ZCCHC14: variants seen among roughly 807,000 people sequenced by gnomAD.
The protein encoded by ZCCHC14 is zinc finger CCHC-type containing 14.
Under a neutral mutation model 85.0 loss-of-function variants are expected in ZCCHC14, and 16 were observed. That is an observed-to-expected ratio of 0.19 (90% confidence interval 0.13 to 0.29). ZCCHC14 has a LOEUF of 0.29. ZCCHC14 is among the 10% of genes least tolerant of loss of function. The probability of loss-of-function intolerance (pLI) is 1.00; values close to 1 mark genes in which losing one functional copy is unlikely to be tolerated. For missense variants in ZCCHC14, 1,303 were observed against 1,443.5 expected, an observed-to-expected ratio of 0.90 and a Z score of 1.58; for synonymous variants, 775 against 630.7, an observed-to-expected ratio of 1.23 and a Z score of -3.43.
chr16:87,482,582 ACG>A (rs960011253), intron 1 of ZCCHC14, among the ~76,000 whole-genome samples: 2 of 152,086 alleles, frequency 1.3e-5, no homozygotes, highest in African/African-American at 4.8e-5. Flanking sequence ...ACAAAAACGA[ACG>A]AGAGGTAAGA....
intron 2 of ZCCHC14, among the ~76,000 whole-genome samples, chr16:87,446,793 C>T (rs148003063): frequency 6.6e-6 from 1 of 152,132 alleles, no homozygotes; most frequent in East Asian, 1.9e-4. Flanking sequence ...AAGCAATTCT[C>T]TTGTCTCAGC....
In ZCCHC14 at chr16:87,460,248, GTAT is replaced by G. The variant is rs1184820998; in HGVS notation, c.571-120_571-118del. Reference sequence around the variant, plus strand: ...TGGTTTCCATTTTTCTACAAAACATGTATTATTATAATAATAAGCCTTCCCCAA... The same window carrying G: ...TGGTTTCCATTTTTCTACAAAACATGTATTATAATAATAAGCCTTCCCCAA... On this transcript the variant is annotated intron_variant, in intron 1 of 12. Transcript: ENST00000671377. The G allele has an allele frequency of 3.0e-6, 4 of 1,320,692 alleles. No individual in the cohort carries two copies. In the South Asian group the frequency reaches 4.6e-5, roughly 15 times the overall value. The allele number at this position is 1,320,692 out of a possible 1,614,324, so 81.8% of individuals were successfully genotyped here.
chr16:87,417,383 G>A (rs1908843225), intron 8 of ZCCHC14, 77 bp downstream of exon 8: 1 of 1,554,638 alleles, frequency 6.4e-7, no homozygotes, highest in South Asian at 1.2e-5. Context: ...GTGTTGGTTT[G>A]GAAACTCAAT....
chr16:87,417,338 G>A (rs1908840977), intron 8 of ZCCHC14, 122 bp downstream of exon 8: 5 of 1,417,064 alleles, frequency 3.5e-6, no homozygotes, highest in Non-Finnish European at 4.8e-6. Context: ...TTAAGAACAG[G>A]CGCTGCGCCT....
intron 2 of ZCCHC14, among the ~76,000 whole-genome samples, chr16:87,440,035 G>A (rs1371406942): frequency 6.6e-6 from 1 of 152,120 alleles, no homozygotes; most frequent in Non-Finnish European, 1.5e-5. Context: ...TCGAACTCCA[G>A]GGCTCCAGCA....
At chr16:87,463,820 G>GT (rs1911389957) in intron 1 of ZCCHC14, among the ~76,000 whole-genome samples, 1 of 152,000 alleles carries the variant, frequency 6.6e-6, no homozygotes, top group African/African-American at 2.4e-5. Flanking sequence ...GCAAGACTCC[G>GT]TCTCAGGAGA....
intron 2 of ZCCHC14, among the ~76,000 whole-genome samples, chr16:87,442,703 C>A (rs73240874): frequency 1.3e-5 from 2 of 152,054 alleles, no homozygotes; most frequent in South Asian, 4.1e-4. Flanking sequence ...AAATCAACAC[C>A]CACACACGTC....
intron 2 of ZCCHC14, among the ~76,000 whole-genome samples, chr16:87,453,457 T>G (rs978609110): frequency 2.0e-5 from 3 of 152,194 alleles, no homozygotes; most frequent in Non-Finnish European, 4.4e-5. Flanking sequence ...CCCCCGTCAG[T>G]GCCCAGCCCT....
intron 1 of ZCCHC14, chr16:87,467,747 G>A: frequency 3.5e-6 from 2 of 565,234 alleles, no homozygotes; most frequent in East Asian, 3.2e-5. Flanking sequence ...CGCCTCCCGG[G>A]TTCACACCAT....
At chr16:87,455,824 C>G (rs1449778381) in intron 2 of ZCCHC14, among the ~76,000 whole-genome samples, 2 of 152,204 alleles carry the variant, frequency 1.3e-5, no homozygotes, top group Non-Finnish European at 2.9e-5. Context: ...AGTACAGACT[C>G]AATAGATTAC....
At chr16:87,441,287 C>T (rs1448324656) in intron 2 of ZCCHC14, among the ~76,000 whole-genome samples, 6 of 152,194 alleles carry the variant, frequency 3.9e-5, no homozygotes, top group Non-Finnish European at 8.8e-5. Flanking sequence ...CCACCATGCC[C>T]GGCCTCCCAT....
chr16:87,470,973 C>A (rs138500883), intron 1 of ZCCHC14: 268 of 152,118 alleles, frequency 1.8e-3, no homozygotes, highest in African/African-American at 6.1e-3. Context: ...TACCTCCCTA[C>A]AAGATGTGAA....
chr16:87,418,003 C>A, intron 7 of ZCCHC14: 1 of 481,518 alleles, frequency 2.1e-6, no homozygotes, highest in Non-Finnish European at 3.7e-6. Context: ...CACACACATG[C>A]CTCTGCCCGT....
intron 2 of ZCCHC14, among the ~76,000 whole-genome samples, chr16:87,453,641 G>A (rs1910816239): frequency 6.6e-6 from 1 of 152,248 alleles, no homozygotes; most frequent in Non-Finnish European, 1.5e-5. Flanking sequence ...TCTGCTGCCT[G>A]CCCCCACCAG....
In ZCCHC14 at chr16:87,411,521, C is replaced by A; in HGVS notation, c.3200G>T (p.Arg1067Leu). Residue 1067 changes from arginine to leucine, a missense_variant, in exon 12 of 13, where the codon CGG becomes CTG. Arg to Leu is a moderately radical substitution (Grantham distance 102). This residue lies in a region of ZCCHC14 where 797 missense variants were observed against 730.8 expected (regional missense o/e 1.09). Transcript: ENST00000671377. ...CGGCCATGGCGCGCGCTTACCTGGC[C>A]GGTTGAAGTCCATGGACGGCTGTTT... ...DCKQPSMDFN[R>L]PGTFRLKYAP... 2.5e-6 allele frequency: 4 copies of A among 1,613,406 alleles called. No individual in the cohort carries two copies. The highest frequency in any genetic ancestry group is 1.1e-5 in the South Asian group (1 of 91,084).
rs753045745 is a variant in ZCCHC14 at position 87,459,957 on chromosome 16, G to A, written c.694+51C>T. ...ATGCCCTCACGGGGATCTGGGGTGT[G>A]CCCATCCTCCGTCCGTCAGACGTCC... is the stretch of plus-strand genomic sequence containing the variant. On this transcript the variant is annotated intron_variant, in intron 2 of 12. Coordinates refer to ENST00000671377, the MANE Select transcript of ZCCHC14 (RefSeq NM_015144.3). The A allele has an allele frequency of 1.2e-5, 20 of 1,612,602 alleles. No individual in the cohort carries two copies. The East Asian group carries it at 3.8e-4, about 31-fold the overall frequency.
chr16:87,476,259 G>C (rs759719443), intron 1 of ZCCHC14, among the ~76,000 whole-genome samples: 1 of 152,196 alleles, frequency 6.6e-6, no homozygotes, highest in African/African-American at 2.4e-5. Flanking sequence ...TAACAAACTG[G>C]ATCGGTAAGG....
chr16:87,417,776 CTG>C, intron 7 of ZCCHC14, 34 bp from the exon 8 acceptor site: 1 of 1,530,274 alleles, frequency 6.5e-7, no homozygotes, highest in African/African-American at 1.4e-5. Flanking sequence ...CACAGAGAGA[CTG>C]TGGCTTCCAC....
intron 2 of ZCCHC14, among the ~76,000 whole-genome samples, chr16:87,446,092 G>A (rs890899189): frequency 2.6e-5 from 4 of 151,482 alleles, no homozygotes; most frequent in African/African-American, 9.7e-5. Flanking sequence ...ACTTAAACCC[G>A]GGAGGCAGAG....
Sources: allele counts gnomAD v4.1 joint callset (sites outside exome capture counted in the v4.1 genomes callset), GRCh38; gene constraint gnomAD v4.1.1; regional missense constraint gnomAD v4.1.1; transcripts MANE v1.5; gene names NCBI Gene and HGNC (gene_info 2026-07-23, HGNC 2026-07-21).